JPH1: variants seen among roughly 807,000 people sequenced by gnomAD.
The protein encoded by JPH1 is junctophilin 1, also known as junctophilin-1.
Under a neutral mutation model 53.6 loss-of-function variants are expected in JPH1, and 12 were observed. The ratio of observed to expected loss-of-function variants is 0.22; its 90% CI spans 0.14 to 0.36. JPH1 has a LOEUF of 0.36. JPH1 is among the 10% of genes least tolerant of loss of function. The probability of loss-of-function intolerance (pLI) is 1.00; values close to 1 mark genes in which losing one functional copy is unlikely to be tolerated. For synonymous variants in JPH1, 375 were observed against 363.8 expected, an observed-to-expected ratio of 1.03 and a Z score of -0.35; for missense variants, 808 against 905.5, an observed-to-expected ratio of 0.89 and a Z score of 1.38.
rs771423137 is a variant in JPH1, at chr8:74,237,292, T to C, written c.1917A>G (p.Ser639=). Residue 639 remains serine (S), a synonymous_variant, in exon 5 of 6, where the codon TCA becomes TCG. Transcript: ENST00000342232. ...ACAGCATGACAAGGACAATCATGAT[T>C]GAATTAGGGCCCTGAAAATGAAAGA... ...LEKEANSGPN[S]IMIVLVMLLN... is the part of the protein sequence containing the mutation. The C allele has an allele frequency of 4.3e-6, 7 of 1,612,762 alleles. No homozygotes were observed. The highest frequency in any genetic ancestry group is 5.9e-6 in the Non-Finnish European group (7 of 1,179,324).
chr8:74,305,298 G>A (rs1807800251), intron 2 of JPH1, among the ~76,000 whole-genome samples: 1 of 152,242 alleles, frequency 6.6e-6, no homozygotes, highest in Non-Finnish European at 1.5e-5. Context: ...GCTGCTTGGA[G>A]AAGCCTACCA....
chr8:74,293,707 T>C (rs1807408044), intron 2 of JPH1, among the ~76,000 whole-genome samples: 1 of 152,340 alleles, frequency 6.6e-6, no homozygotes, highest in African/African-American at 2.4e-5. Context: ...CTTTGATTTC[T>C]GGCAACCATA....
intron 4 of JPH1, among the ~76,000 whole-genome samples, chr8:74,242,192 G>A (rs1805715536): frequency 6.6e-6 from 1 of 152,176 alleles, no homozygotes; most frequent in African/African-American, 2.4e-5. Context: ...GAGATCAATA[G>A]CCAGGGTGAT....
intron 2 of JPH1, among the ~76,000 whole-genome samples, chr8:74,286,621 T>C (rs1807171765): frequency 6.6e-6 from 1 of 152,206 alleles, no homozygotes; most frequent in Non-Finnish European, 1.5e-5. Context: ...AACTTGTATC[T>C]CCCTAACCTA....
At chr8:74,276,728 C>T (rs955081854) in intron 2 of JPH1, among the ~76,000 whole-genome samples, 1 of 152,218 alleles carries the variant, frequency 6.6e-6, no homozygotes, top group African/African-American at 2.4e-5. Context: ...ACCCCACTGT[C>T]CTAGTCGAGC....
At chr8:74,239,738 C>A (rs1805639983) in intron 4 of JPH1, among the ~76,000 whole-genome samples, 1 of 152,074 alleles carries the variant, frequency 6.6e-6, no homozygotes, top group African/African-American at 2.4e-5. Flanking sequence ...GTTGAGCATC[C>A]CGAATACAAA....
chr8:74,286,368 T>C (rs941550109), intron 2 of JPH1, among the ~76,000 whole-genome samples: 7 of 152,250 alleles, frequency 4.6e-5, no homozygotes, highest in Non-Finnish European at 8.8e-5. Context: ...GATGATCAAA[T>C]CATGGTCATT....
intron 2 of JPH1, among the ~76,000 whole-genome samples, chr8:74,294,947 G>C (rs1215359703): frequency 1.3e-5 from 2 of 152,236 alleles, no homozygotes; most frequent in African/African-American, 4.8e-5. Context: ...CACAGCATTG[G>C]CAGGGCCAGG....
intron 3 of JPH1, among the ~76,000 whole-genome samples, chr8:74,246,712 A>C: frequency 6.6e-6 from 1 of 152,206 alleles, no homozygotes; most frequent in Non-Finnish European, 1.5e-5. Flanking sequence ...CGCAAGTTAT[A>C]CTCAGGGCAC....
chr8:74,280,738 A>G (rs1301652903), intron 2 of JPH1, among the ~76,000 whole-genome samples: 2 of 152,250 alleles, frequency 1.3e-5, no homozygotes, highest in Admixed American at 6.5e-5. Flanking sequence ...TGTGGAAATT[A>G]AAAACTGAAT....
At chr8:74,250,481 C>T (rs1202494239) in intron 3 of JPH1, among the ~76,000 whole-genome samples, 1 of 152,200 alleles carries the variant, frequency 6.6e-6, no homozygotes, top group Non-Finnish European at 1.5e-5. Context: ...TCTAGTCTCC[C>T]AATCTTCCTT....
intron 2 of JPH1, among the ~76,000 whole-genome samples, chr8:74,271,348 A>G (rs1390209668): frequency 6.6e-6 from 1 of 151,904 alleles, no homozygotes; most frequent in Non-Finnish European, 1.5e-5. Context: ...CAGCTACTTT[A>G]GTGGGGTCTC....
At chr8:74,295,565 G>T (rs1221886871) in intron 2 of JPH1, among the ~76,000 whole-genome samples, 1 of 152,138 alleles carries the variant, frequency 6.6e-6, no homozygotes, top group Non-Finnish European at 1.5e-5. Context: ...ACTCCTGTGA[G>T]CTGAGTACCA....
Position 74,315,729 on chromosome 8 carries a change from T to G in JPH1, c.380-109A>C. The G allele has an allele frequency of 9.1e-7, 1 of 1,095,440 alleles. No homozygotes were observed. The highest frequency in any genetic ancestry group is 2.8e-5 in the East Asian group (1 of 35,818). 67.9% of individuals were successfully genotyped at this position (1,095,440 alleles called of 1,614,324 possible). ...CCTGCCCAAGGTCAAATCTGACCCA[T>G]TTCCAAGTCAACCCTGGGGGATACT... On this transcript the variant is annotated intron_variant, in intron 1 of 5. Transcript: ENST00000342232. The surrounding 1 kb of genome is among the most constrained non-coding windows in gnomAD (Gnocchi z 6.3).
intron 2 of JPH1, among the ~76,000 whole-genome samples, chr8:74,299,250 T>C (rs1332900298): frequency 6.6e-6 from 1 of 152,206 alleles, no homozygotes; most frequent in African/African-American, 2.4e-5. Flanking sequence ...GGACCTTCTT[T>C]ATTCACCTCG....
In JPH1 at chr8:74,306,816, C is replaced by T. The variant is rs563989551; in HGVS notation, c.1139+8045G>A. On this transcript the variant is annotated intron_variant, in intron 2 of 5. Coordinates refer to ENST00000342232, the MANE Select transcript of JPH1 (RefSeq NM_020647.4). ...TTCACCATGTTGGCCAGGCTGGTCT[C>T]GAACTCCTGACCTCAAGGGATCCGC... 2.6e-4 allele frequency among the ~76,000 whole-genome samples: 39 copies of T among 152,040 alleles called. 2 individuals carry two copies. In the South Asian group the frequency reaches 7.5e-3, roughly 29 times the overall value.
At chr8:74,256,398 G>T (rs1319136317) in intron 3 of JPH1, among the ~76,000 whole-genome samples, 6 of 151,794 alleles carry the variant, frequency 4.0e-5, no homozygotes, top group South Asian at 2.1e-4. Context: ...ATCATGGGGT[G>T]GGGGGAAGGG....
At chr8:74,245,639 T>C (rs1300047371) in intron 3 of JPH1, among the ~76,000 whole-genome samples, 1 of 152,188 alleles carries the variant, frequency 6.6e-6, no homozygotes, top group African/African-American at 2.4e-5. Context: ...TAAAACTTCC[T>C]AGTTTGAAAC....
At chr8:74,289,174 C>T (rs1264144146) in intron 2 of JPH1, among the ~76,000 whole-genome samples, 1 of 152,136 alleles carries the variant, frequency 6.6e-6, no homozygotes, top group Admixed American at 6.5e-5. Flanking sequence ...TCTATAGAAA[C>T]CTTCCTGTTT....
Sources: allele counts gnomAD v4.1 joint callset (sites outside exome capture counted in the v4.1 genomes callset), GRCh38; gene constraint gnomAD v4.1.1; non-coding constraint Gnocchi (gnomAD v3.1); transcripts MANE v1.5; gene names NCBI Gene and HGNC (gene_info 2026-07-23, HGNC 2026-07-21).